Variants in ARFIP1 observed in about 807,000 individuals in gnomAD.
ARFIP1 encodes ARF interacting protein 1.
In ARFIP1, 24 loss-of-function variants were observed where a neutral mutation model predicts 42.5. The ratio of observed to expected loss-of-function variants is 0.57; its 90% CI spans 0.41 to 0.80. The LOEUF is 0.80. ARFIP1 is among the 30% of genes least tolerant of loss of function. ARFIP1 has a pLI of 0.00. For missense variants in ARFIP1, 354 were observed against 434.0 expected (o/e 0.82, Z 1.64); for synonymous variants, 141 against 153.7 (o/e 0.92, Z 0.61).
At chr4:152,895,692 A>G (rs938989373) in intron 8 of ARFIP1, among the ~76,000 whole-genome samples, 1 of 150,162 alleles carries the variant, frequency 6.7e-6, no homozygotes, top group African/African-American at 2.5e-5. Context: ...TTTAGAGTAG[A>G]TGGGATGACA....
chr4:152,881,303 C>T (rs767845994), intron 6 of ARFIP1, 119 bp downstream of exon 6: 101 of 784,916 alleles, frequency 1.3e-4, no homozygotes, highest in Middle Eastern at 5.0e-4. Flanking sequence ...CTGAGATTCT[C>T]TTTTAAGATA....
intron 8 of ARFIP1, among the ~76,000 whole-genome samples, chr4:152,895,914 T>G (rs969514654): frequency 6.6e-6 from 1 of 152,160 alleles, no homozygotes; most frequent in African/African-American, 2.4e-5. Context: ...AGAGGTATAA[T>G]GGTCTTACAC....
chr4:152,844,306 G>A (rs746955084), intron 2 of ARFIP1, among the ~76,000 whole-genome samples: 1 of 152,214 alleles, frequency 6.6e-6, no homozygotes, highest in African/African-American at 2.4e-5. Flanking sequence ...GCTTCCTTCA[G>A]AGGGTCTGTG....
rs1736622215 is a variant in ARFIP1 at position 152,889,754 on chromosome 4, AT to A, written c.966+1449del. On this transcript the variant is annotated intron_variant, in intron 8 of 8. Coordinates refer to ENST00000353617, the MANE Select transcript of ARFIP1 (RefSeq NM_001025595.3). ...ATATACTATACTATATATACTATAT[AT>A]TATATACTATACTATATACTATATA... 1.1e-4 allele frequency among the ~76,000 whole-genome samples: 4 copies of A among 36,020 alleles called. No homozygotes were observed. In the Admixed American group the frequency reaches 1.5e-3, roughly 13 times the overall value. The allele number at this position is 36,020 out of a possible 152,430, so 23.6% of individuals were successfully genotyped here. A position where few individuals can be genotyped will look rare whatever the true frequency, so the allele number is the denominator to read the frequency against.
rs368017510 is a variant in ARFIP1 at position 152,852,646 on chromosome 4, AT to A, written c.94-10957del. Among the ~76,000 whole-genome samples, 272 of 151,796 alleles carry A rather than the reference AT, an allele frequency of 1.8e-3. 1 individual carries two copies. The highest frequency in any genetic ancestry group is 6.0e-3 in the African/African-American group (250 of 41,404). The stretch of plus-strand genomic sequence containing the variant: ...GACTCCGTCTCAAAAAAAAAAAAAA[AT>A]TTCGGGTTATGTAAAGAAAGCACAT... On this transcript the variant is annotated intron_variant, in intron 2 of 8. Coordinates refer to ENST00000353617, the MANE Select transcript of ARFIP1 (RefSeq NM_001025595.3).
At chr4:152,815,177 GCTT>G (rs1475888814) in intron 1 of ARFIP1, among the ~76,000 whole-genome samples, 1 of 151,988 alleles carries the variant, frequency 6.6e-6, no homozygotes, top group Non-Finnish European at 1.5e-5. Flanking sequence ...AGATTCTTCT[GCTT>G]CTTTTTTTTT....
At chr4:152,882,560 C>G (rs1735929848) in intron 6 of ARFIP1, among the ~76,000 whole-genome samples, 163 bp from the exon 7 acceptor site, 1 of 152,132 alleles carries the variant, frequency 6.6e-6, no homozygotes, top group South Asian at 2.1e-4. Context: ...AATTATATGG[C>G]TAGCTGTGAT....
At chr4:152,804,607 A>T (rs1251748626) in intron 1 of ARFIP1, among the ~76,000 whole-genome samples, 1 of 148,394 alleles carries the variant, frequency 6.7e-6, no homozygotes, top group Non-Finnish European at 1.5e-5. Flanking sequence ...GCCAGGTTTG[A>T]ATCCCCACGT....
chr4:152,847,218 C>T (rs1035622897), intron 2 of ARFIP1, among the ~76,000 whole-genome samples: 8 of 142,940 alleles, frequency 5.6e-5, no homozygotes, highest in Non-Finnish European at 1.1e-4. Context: ...CTGCAACCTC[C>T]GCCTCCCAGG....
intron 1 of ARFIP1, among the ~76,000 whole-genome samples, chr4:152,806,036 C>T (rs1728970918): frequency 6.6e-6 from 1 of 152,220 alleles, no homozygotes; most frequent in South Asian, 2.1e-4. Flanking sequence ...TAAAGTCTTA[C>T]TTGGCAAACC....
At chr4:152,858,833 A>C (rs746443131) in intron 2 of ARFIP1, among the ~76,000 whole-genome samples, 1 of 152,202 alleles carries the variant, frequency 6.6e-6, no homozygotes, top group Non-Finnish European at 1.5e-5. Context: ...GAACAAGGTA[A>C]GGGGAATAGG....
chr4:152,846,413 T>A (rs1041381593), intron 2 of ARFIP1, among the ~76,000 whole-genome samples: 2 of 152,076 alleles, frequency 1.3e-5, no homozygotes, highest in East Asian at 1.9e-4. Context: ...TATGAGTCAT[T>A]TACATATTTA....
At chr4:152,886,194 A>AT (rs1736246278) in intron 7 of ARFIP1, among the ~76,000 whole-genome samples, 1 of 151,820 alleles carries the variant, frequency 6.6e-6, no homozygotes, top group South Asian at 2.1e-4. Context: ...CTTGCTCCTG[A>AT]TTTTTTAATC....
At chr4:152,798,538 A>G (rs538304884) in intron 1 of ARFIP1, among the ~76,000 whole-genome samples, 1 of 152,340 alleles carries the variant, frequency 6.6e-6, no homozygotes, top group Admixed American at 6.5e-5. Flanking sequence ...GGTATGTACT[A>G]ATAGATTTCC....
chr4:152,839,692 A>G (rs1217506695), intron 2 of ARFIP1, among the ~76,000 whole-genome samples: 1 of 152,026 alleles, frequency 6.6e-6, no homozygotes, highest in Non-Finnish European at 1.5e-5. Flanking sequence ...TAATCTTGCT[A>G]ATGGTCTATC....
intron 3 of ARFIP1, among the ~76,000 whole-genome samples, chr4:152,869,976 G>T (rs1034375537): frequency 3.3e-5 from 5 of 152,200 alleles, no homozygotes; most frequent in Admixed American, 2.6e-4. Flanking sequence ...ATAATCAGTA[G>T]ATCTTTTTGA....
Position 152,872,552 on chromosome 4 carries a change from A to C in ARFIP1, c.399A>C (p.Leu133=). 6.3e-7 allele frequency: 1 copy of C among 1,587,644 alleles called. No individual in the cohort carries two copies. Among genetic ancestry groups the C allele is most frequent in the South Asian group, 1.1e-5 (1 of 89,358 alleles). ...TAGAACTTGTTAGAAAATGGAGTCT[A>C]AACACCTATAAGGTTTGTAATTATT... ...EKLELVRKWS[L]NTYKCTRQII... The change falls in exon 5 of 9, where the codon CTA becomes CTC. Residue 133 remains leucine, a synonymous_variant. Coordinates refer to ENST00000353617, the MANE Select transcript of ARFIP1 (RefSeq NM_001025595.3).
intron 2 of ARFIP1, among the ~76,000 whole-genome samples, chr4:152,834,510 G>A (rs2149850375): frequency 6.6e-6 from 1 of 152,290 alleles, no homozygotes; most frequent in Admixed American, 6.5e-5. Context: ...GGAGAATTTG[G>A]CCAAAAGAAG....
At chr4:152,858,506 C>G (rs2149872817) in intron 2 of ARFIP1, among the ~76,000 whole-genome samples, 1 of 152,088 alleles carries the variant, frequency 6.6e-6, no homozygotes, top group East Asian at 1.9e-4. Flanking sequence ...TTTCTCTGAC[C>G]AAAAAGTCTA....
Sources: gnomAD v4.1 joint callset for allele counts (sites outside exome capture counted in the v4.1 genomes callset) on GRCh38, gnomAD v4.1.1 for gene constraint, MANE v1.5 for transcripts, NCBI Gene and HGNC (gene_info 2026-07-23, HGNC 2026-07-21) for gene names.